Variants in OR7A5 observed in about 807,000 individuals in gnomAD.
The protein encoded by OR7A5 is olfactory receptor family 7 subfamily A member 5.
For synonymous variants in OR7A5, 140 were observed against 146.7 expected (o/e 0.95, Z 0.33); for missense variants, 319 against 377.9 (o/e 0.84, Z 1.29).
Position 14,829,711 on chromosome 19 carries a change from A to G in OR7A5, c.-13-1457T>C, listed in dbSNP as rs530300189. On this transcript the variant is annotated intron_variant, in intron 1 of 1. Coordinates refer to ENST00000322301, the MANE Select transcript of OR7A5 (RefSeq NM_017506.2). ...ACTGGACTAGAAAGGTGTCACATCA[A>G]TTGAAATGCATCCCCTCTTTATTTC... 5.9e-5 allele frequency among the ~76,000 whole-genome samples: 9 copies of G among 152,350 alleles called. No homozygotes were observed. The South Asian group carries it at 1.2e-3, about 21-fold the overall frequency.
At chr19:14,829,799 G>A (rs1014909359) in intron 1 of OR7A5, among the ~76,000 whole-genome samples, 1 of 152,132 alleles carries the variant, frequency 6.6e-6, no homozygotes, top group African/African-American at 2.4e-5. Context: ...AATATATTGA[G>A]GCCAGGTCCC....
rs1424335638 is a variant in OR7A5 at position 14,827,295 on chromosome 19, T to C, written c.947A>G (p.Lys316Arg). 1 of 1,550,070 alleles carries C rather than the reference T, an allele frequency of 6.5e-7. No individual in the cohort carries two copies. The highest frequency in any genetic ancestry group is 2.0e-5 in the Admixed American group (1 of 48,914). Residue 316 changes from lysine (K) to arginine (R), a missense_variant, in exon 2 of 2, where the codon AAG (lysine) becomes AGG (arginine). Coordinates refer to ENST00000322301, the MANE Select transcript of OR7A5 (RefSeq NM_017506.2). ...LWGTMKGQFF[K>R]KCP ...AGAGCCCTGCAATCATGGGCACTTC[T>C]TGAAAAATTGCCCTTTCATTGTTCC...
At chr19:14,829,616 ACCT>A (rs1316268188) in intron 1 of OR7A5, among the ~76,000 whole-genome samples, 12 of 152,218 alleles carry the variant, frequency 7.9e-5, no homozygotes, top group African/African-American at 2.6e-4. Flanking sequence ...GAATAAGGGG[ACCT>A]GGCTGTCAAA....
intron 1 of OR7A5, among the ~76,000 whole-genome samples, chr19:14,833,066 C>A (rs2145087379): frequency 6.6e-6 from 1 of 152,260 alleles, no homozygotes; most frequent in South Asian, 2.1e-4. Flanking sequence ...GCTTGTATTT[C>A]AATTTAGTTA....
At chr19:14,829,362 C>A (rs922327925) in intron 1 of OR7A5, among the ~76,000 whole-genome samples, 1 of 152,174 alleles carries the variant, frequency 6.6e-6, no homozygotes, top group Admixed American at 6.5e-5. Context: ...CACCACCACG[C>A]CCAGCTAATT....
intron 1 of OR7A5, among the ~76,000 whole-genome samples, chr19:14,833,194 A>G (rs542421455): frequency 2.8e-4 from 42 of 152,186 alleles, no homozygotes; most frequent in African/African-American, 9.9e-4. Flanking sequence ...AAACTTCAAT[A>G]TCGGCCAGGT....
At chr19:14,828,758 C>CAAAAAAAAAAA (rs58983718) in intron 1 of OR7A5, among the ~76,000 whole-genome samples, 11 of 35,154 alleles carry the variant, frequency 3.1e-4, no homozygotes, top group African/African-American at 8.5e-4. Flanking sequence ...GACTCCATCT[C>CAAAAAAAAAAA]AAAAAAAAAA....
chr19:14,827,075 G>A lies in OR7A5; in HGVS notation c.*207C>T. 1 of 432,040 alleles carries A rather than the reference G, an allele frequency of 2.3e-6. No individual in the cohort carries two copies. Among genetic ancestry groups the A allele is most frequent in the East Asian group, 3.7e-5 (1 of 27,060 alleles). The allele number at this position is 432,040 out of a possible 1,614,324, so 26.8% of individuals were successfully genotyped here. On this transcript the variant is annotated 3_prime_UTR_variant, in exon 2 of 2. Transcript: ENST00000322301. ...AGTCGGAAATAACCTTGAGAAAGTA[G>A]GAAAACAACAAAGAGAAAAAACTGT...
At chr19:14,829,483 A>T (rs779500130) in intron 1 of OR7A5, among the ~76,000 whole-genome samples, 26 of 152,168 alleles carry the variant, frequency 1.7e-4, no homozygotes, top group Non-Finnish European at 2.9e-4. Context: ...GATTATAGGC[A>T]TGAGCCACTG....
Position 14,827,391 on chromosome 19 carries a change from A to G in OR7A5, c.851T>C (p.Met284Thr). ...CAGACTATAGATAAAGGGGTTCAGC[A>G]TGGGGGTGACCACAGTGTACATCAC... The part of the protein sequence containing the change: ...ASVMYTVVTP[M>T]LNPFIYSLRN... Residue 284 changes from methionine to threonine, a missense_variant, in exon 2 of 2, where the codon ATG becomes ACG. By Grantham distance (81) the Met-to-Thr change is moderately conservative (BLOSUM62 -1). Coordinates refer to ENST00000322301, the MANE Select transcript of OR7A5 (RefSeq NM_017506.2). 1 of 1,613,988 alleles carries G rather than the reference A, an allele frequency of 6.2e-7. No homozygotes were observed. Among genetic ancestry groups the G allele is most frequent in the South Asian group, 1.1e-5 (1 of 91,058 alleles).
intron 1 of OR7A5, 75 bp from the exon 2 acceptor site, chr19:14,828,329 A>T: frequency 3.7e-6 from 5 of 1,361,372 alleles, no homozygotes; most frequent in Non-Finnish European, 5.0e-6. Context: ...ACCATCATTT[A>T]TATTTTATAG....
In OR7A5 at chr19:14,827,175, T is replaced by C. The variant is rs115261720; in HGVS notation, c.*107A>G. The C allele has an allele frequency of 3.9e-3, 4,629 of 1,189,932 alleles. 145 individuals carry two copies. The African/African-American group carries it at 0.063, about 16-fold the overall frequency. The allele number at this position is 1,189,932 out of a possible 1,614,324, so 73.7% of individuals were successfully genotyped here. A position where few individuals can be genotyped will look rare whatever the true frequency, so the allele number is the denominator to read the frequency against. ...CAAGACCAGTTGAAATCACAACAAA[T>C]TGAAACTCCCAGAAATATAATAAGT... On this transcript the variant is annotated 3_prime_UTR_variant, in exon 2 of 2. Coordinates refer to ENST00000322301, the MANE Select transcript of OR7A5 (RefSeq NM_017506.2).
rs767714047 is a variant in OR7A5 at position 14,827,911 on chromosome 19, C to A, written c.331G>T (p.Glu111Ter). ...MYFFILFAGF[E>*]NFLLSVMAYD... ...GCCATCACGGACAGGAGGAAGTTTT[C>A]AAATCCAGCAAAGAGTATGAAAAAA... Residue 111 changes from glutamate (E) to a stop codon, truncating the protein, a stop_gained, in exon 2 of 2, where the codon GAA becomes TAA. Transcript: ENST00000322301. LOFTEE classifies it low-confidence loss of function (END_TRUNC). The A allele has an allele frequency of 1.9e-6, 3 of 1,614,178 alleles. No individual in the cohort carries two copies. The Admixed American group carries it at 5.0e-5, about 27-fold the overall frequency.
intron 1 of OR7A5, among the ~76,000 whole-genome samples, chr19:14,830,070 C>T (rs1366970114): frequency 6.6e-6 from 1 of 152,052 alleles, no homozygotes; most frequent in East Asian, 1.9e-4. Flanking sequence ...CCTATGTTGC[C>T]CAGGCTGGTC....
In OR7A5 at chr19:14,827,871, A is replaced by C. The variant is rs1267526890; in HGVS notation, c.371T>G (p.Val124Gly). The C allele has an allele frequency of 3.7e-6, 6 of 1,614,238 alleles. No homozygotes were observed. The highest frequency in any genetic ancestry group is 1.3e-5 in the African/African-American group (1 of 75,068). Reference protein sequence around the residue: ...LLSVMAYDRFVAICHPLHYMV... With the variant: ...LLSVMAYDRFGAICHPLHYMV... ...GTAGTGCAGGGGGTGACAGATGGCCACAAACCGGTCATAGGCCATCACGGA... is the reference window on the plus strand; with the variant it reads ...GTAGTGCAGGGGGTGACAGATGGCCCCAAACCGGTCATAGGCCATCACGGA... Residue 124 changes from valine (V) to glycine (G), a missense_variant, in exon 2 of 2, where the codon GTG (valine) becomes GGG (glycine). By Grantham distance (109) the Val-to-Gly change is moderately radical. Coordinates refer to ENST00000322301, the MANE Select transcript of OR7A5 (RefSeq NM_017506.2).
In OR7A5 at chr19:14,828,222, G is replaced by T. The variant is rs2044794092; in HGVS notation, c.20C>A (p.Thr7Lys). MEPGND[T>K]QISEFLLLGF... ...CAGAAGAAGAAATTCTGAAATTTGT[G>T]TATCATTTCCTGGTTCCATTTGATT... The change falls in exon 2 of 2, where the codon ACA becomes AAA. Residue 7 changes from threonine (T) to lysine (K), a missense_variant. Thr to Lys is a moderately conservative substitution (Grantham distance 78). Transcript: ENST00000322301. The T allele has an allele frequency of 6.2e-7, 1 of 1,611,836 alleles. No homozygotes were observed. The highest frequency in any genetic ancestry group is 1.7e-5 in the Admixed American group (1 of 59,898).
At position 14,828,007 on chromosome 19, in the gene OR7A5, GA is replaced by G; in HGVS notation, c.234del (p.Pro79GlnfsTer4). 1 of 1,614,210 alleles carries G rather than the reference GA, an allele frequency of 6.2e-7. No homozygotes were observed. Among genetic ancestry groups the G allele is most frequent in the Non-Finnish European group, 8.5e-7 (1 of 1,180,040 alleles). On this transcript the variant is annotated frameshift_variant, in exon 2 of 2. Transcript: ENST00000322301. LOFTEE classifies it low-confidence loss of function (END_TRUNC). ...FADICVTSTTIPKMLMNIQTQ... is the reference protein window; with the variant it reads ...FADICVTSTTXPKMLMNIQTQ... ...GTCTGGATGTTCATCAGCATTTTTG[GA>G]ATGGTGGTGGAAGTAACACAAATGT... is the stretch of plus-strand genomic sequence containing the variant.
At position 14,827,943 on chromosome 19, in the gene OR7A5, TGCATGAGGCAGGC is replaced by T; in HGVS notation, c.286_298del (p.Ala96ArgfsTer18). The T allele has an allele frequency of 6.2e-7, 1 of 1,614,190 alleles. No homozygotes were observed. Among genetic ancestry groups the T allele is most frequent in the Non-Finnish European group, 8.5e-7 (1 of 1,180,038 alleles). On this transcript the variant is annotated frameshift_variant, in exon 2 of 2. Coordinates refer to ENST00000322301, the MANE Select transcript of OR7A5 (RefSeq NM_017506.2). LOFTEE classifies it low-confidence loss of function (END_TRUNC). ...AGCAAAGAGTATGAAAAAATACATC[TGCATGAGGCAGGC>T]TATGTAGGTGATGACTTTGTTCTGT...
At chr19:14,834,857 C>T (rs1250111462) in intron 1 of OR7A5, among the ~76,000 whole-genome samples, 4 of 152,194 alleles carry the variant, frequency 2.6e-5, no homozygotes, top group African/African-American at 4.8e-5. Flanking sequence ...TGTCAATAGT[C>T]GTCACCCTTG....
Sources: allele counts gnomAD v4.1 joint callset (sites outside exome capture counted in the v4.1 genomes callset), GRCh38; gene constraint gnomAD v4.1.1; transcripts MANE v1.5; gene names NCBI Gene and HGNC (gene_info 2026-07-23, HGNC 2026-07-21).